Variants in TAMM41 observed in about 807,000 individuals in gnomAD.
TAMM41 encodes the protein TAM41 mitochondrial translocator assembly and maintenance homolog.
In TAMM41, 36 loss-of-function variants were observed where a neutral mutation model predicts 44.1. That is an observed-to-expected ratio of 0.82 (90% CI 0.63 to 1.08). The LOEUF is 1.08. Ranked by LOEUF, TAMM41 falls within the 50% of genes least tolerant of loss-of-function variation. The probability of loss-of-function intolerance (pLI) is 0.00; values close to 1 mark genes in which losing one functional copy is unlikely to be tolerated. For missense variants in TAMM41, 417 were observed against 404.3 expected (o/e 1.03, Z -0.27); for synonymous variants, 164 against 153.1 (o/e 1.07, Z -0.53).
At chr3:11,752,261 A>G in the TAMM41 span, among the ~76,000 whole-genome samples, 58 of 152,286 alleles carry the variant, frequency 3.8e-4, no homozygotes, top group Admixed American at 7.9e-4. Flanking sequence ...CAGCTCTCAA[A>G]GGTGACAGGG....
chr3:11,790,895 AAG>A (rs2077463261), intron 7 of TAMM41, among the ~76,000 whole-genome samples: 2 of 152,218 alleles, frequency 1.3e-5, no homozygotes, highest in African/African-American at 4.8e-5. Flanking sequence ...AAGGTAGGAC[AAG>A]GATAAGACTC....
Position 11,844,214 on chromosome 3 carries a change from G to T in TAMM41, c.136-3C>A, listed in dbSNP as rs954472913. 6.2e-7 allele frequency: 1 copy of T among 1,611,256 alleles called. No homozygotes were observed. Among genetic ancestry groups the T allele is most frequent in the African/African-American group, 1.3e-5 (1 of 74,754 alleles). ...AACACAAAGTCCAGCATAGCATTCT[G>T]TGGAGTGAAGAAAAGAGAATAATTT... is the stretch of plus-strand genomic sequence containing the variant. On this transcript the variant is annotated splice_polypyrimidine_tract_variant and splice_region_variant and intron_variant, in intron 1 of 7. Transcript: ENST00000455809.
chr3:11,822,953 G>A (rs4684818), intron 4 of TAMM41, among the ~76,000 whole-genome samples: 85,905 of 152,044 alleles, frequency 0.57, 26,154 homozygotes, highest in African/African-American at 0.77. Flanking sequence ...GGAACTGCCA[G>A]GCTTTTTTCC....
At chr3:11,760,428 G>C in the TAMM41 span, among the ~76,000 whole-genome samples, 30 of 152,204 alleles carry the variant, frequency 2.0e-4, no homozygotes, top group African/African-American at 6.7e-4. Context: ...TTTAGCATTT[G>C]CTTGTTTTTC....
At chr3:11,751,123 A>C in the TAMM41 span, among the ~76,000 whole-genome samples, 3 of 130,108 alleles carry the variant, frequency 2.3e-5, no homozygotes, top group Non-Finnish European at 3.1e-5. Flanking sequence ...ACAGAGTCTC[A>C]CTCTATTGCC....
chr3:11,749,475 C>T, the TAMM41 span, among the ~76,000 whole-genome samples: 1 of 152,218 alleles, frequency 6.6e-6, no homozygotes, highest in Non-Finnish European at 1.5e-5. Flanking sequence ...CTGTGCAACG[C>T]CAACCTACAT....
At chr3:11,733,747 G>A in the TAMM41 span, among the ~76,000 whole-genome samples, 14 of 151,694 alleles carry the variant, frequency 9.2e-5, no homozygotes, top group South Asian at 4.2e-4. Flanking sequence ...CATCCGCCTC[G>A]GCCTCCTAAA....
intron 7 of TAMM41, among the ~76,000 whole-genome samples, chr3:11,801,979 G>C (rs117753698): frequency 0.082 from 12,475 of 152,190 alleles, 1,198 homozygotes; most frequent in East Asian, 0.48. Flanking sequence ...CCTGCACTTT[G>C]GGAGGCTGAG....
At chr3:11,748,026 C>G in the TAMM41 span, among the ~76,000 whole-genome samples, 20 of 151,272 alleles carry the variant, frequency 1.3e-4, no homozygotes, top group East Asian at 3.4e-3. Context: ...AGGCGCACAC[C>G]ACTACACCTG....
chr3:11,832,450 T>C (rs1032682097), intron 3 of TAMM41, among the ~76,000 whole-genome samples: 6 of 152,196 alleles, frequency 3.9e-5, no homozygotes, highest in Admixed American at 3.9e-4. Flanking sequence ...GCATAAGTTA[T>C]ATGCTAATAC....
At chr3:11,724,007 G>C in the TAMM41 span, among the ~76,000 whole-genome samples, 2 of 151,588 alleles carry the variant, frequency 1.3e-5, no homozygotes, top group East Asian at 1.9e-4. Context: ...GGGATGGGGG[G>C]GGGTGACACT....
At chr3:11,791,951 A>G (rs926879112) in intron 7 of TAMM41, among the ~76,000 whole-genome samples, 3 of 152,106 alleles carry the variant, frequency 2.0e-5, no homozygotes, top group Non-Finnish European at 2.9e-5. Context: ...AGCTTATTAT[A>G]TAAGGTGGTT....
At chr3:11,765,599 T>C in the TAMM41 span, among the ~76,000 whole-genome samples, 1 of 152,336 alleles carries the variant, frequency 6.6e-6, no homozygotes, top group South Asian at 2.1e-4. Flanking sequence ...TACAGACATA[T>C]GAGAATTGAG....
intron 7 of TAMM41, among the ~76,000 whole-genome samples, chr3:11,802,126 G>A (rs533005248): frequency 6.6e-6 from 1 of 152,296 alleles, no homozygotes; most frequent in East Asian, 1.9e-4. Context: ...GCTGAGGTGG[G>A]AGGATTGCTT....
At chr3:11,800,541 AAC>A (rs1361024699) in intron 7 of TAMM41, among the ~76,000 whole-genome samples, 3 of 53,016 alleles carry the variant, frequency 5.7e-5, no homozygotes, top group African/African-American at 9.0e-5. Flanking sequence ...CTAAATCAAA[AAC>A]AGTTAAAAAA....
At chr3:11,731,961 G>T in the TAMM41 span, among the ~76,000 whole-genome samples, 6 of 151,928 alleles carry the variant, frequency 3.9e-5, no homozygotes, top group Non-Finnish European at 8.8e-5. Flanking sequence ...CTGCCTCCTG[G>T]GTTCAAGCAA....
chr3:11,804,138 C>G (rs2077833469), intron 7 of TAMM41, among the ~76,000 whole-genome samples: 1 of 152,162 alleles, frequency 6.6e-6, no homozygotes, highest in Non-Finnish European at 1.5e-5. Flanking sequence ...ATCAGCACTC[C>G]AGGGCCACAA....
the TAMM41 span, among the ~76,000 whole-genome samples, chr3:11,766,081 G>A: frequency 6.6e-6 from 1 of 152,096 alleles, no homozygotes; most frequent in Non-Finnish European, 1.5e-5. Flanking sequence ...GGTAGGCCTA[G>A]GATTCCTGAC....
At chr3:11,802,719 C>T (rs2077789584) in intron 7 of TAMM41, among the ~76,000 whole-genome samples, 1 of 152,112 alleles carries the variant, frequency 6.6e-6, no homozygotes, top group African/African-American at 2.4e-5. Flanking sequence ...CACCTTGGTA[C>T]CAAACAGACA....
Sources: allele counts gnomAD v4.1 joint callset (sites outside exome capture counted in the v4.1 genomes callset), GRCh38; gene constraint gnomAD v4.1.1; transcripts MANE v1.5; gene names NCBI Gene and HGNC (gene_info 2026-07-23, HGNC 2026-07-21).